RIPOR3: variants seen among roughly 807,000 people sequenced by gnomAD.
The protein encoded by RIPOR3 is RIPOR family member 3.
RIPOR3 carries 95 observed loss-of-function variants against 114.3 expected under a neutral mutation model. That is an observed-to-expected ratio of 0.83 (90% CI 0.70 to 0.99). RIPOR3 has a LOEUF of 0.99. RIPOR3 is among the 50% of genes least tolerant of loss of function. The pLI, the probability that RIPOR3 is intolerant of heterozygous loss-of-function variation, is 0.00. For missense variants in RIPOR3, 1,252 were observed against 1,266.9 expected, an observed-to-expected ratio of 0.99 and a Z score of 0.18; for synonymous variants, 575 against 543.8, an observed-to-expected ratio of 1.06 and a Z score of -0.80.
intron 20 of RIPOR3, among the ~76,000 whole-genome samples, chr20:50,589,323 T>C (rs2083035704): frequency 6.6e-6 from 1 of 151,378 alleles, no homozygotes; most frequent in African/African-American, 2.4e-5. Context: ...TTTTTTTTTT[T>C]TTAAGATGGA....
intron 4 of RIPOR3, among the ~76,000 whole-genome samples, chr20:50,614,972 G>A (rs1225620400): frequency 4.6e-5 from 7 of 152,052 alleles, no homozygotes; most frequent in African/African-American, 1.7e-4. Flanking sequence ...CAGGACAATC[G>A]CTTGAATCTG....
chr20:50,595,271 ACT>A (rs1295517920), intron 16 of RIPOR3, 96 bp downstream of exon 16: 3 of 1,488,610 alleles, frequency 2.0e-6, no homozygotes, highest in Admixed American at 1.8e-5. Flanking sequence ...GCCCCGATTA[ACT>A]CTGGCTATTA....
intron 1 of RIPOR3, among the ~76,000 whole-genome samples, chr20:50,671,785 G>GGGATGGAT (rs538319586): frequency 5.3e-5 from 8 of 151,890 alleles, no homozygotes; most frequent in East Asian, 1.9e-4. Flanking sequence ...GGTGGGCGAA[G>GGGATGGAT]GGATGGATGG....
chr20:50,595,914 C>A (rs1000895555), intron 15 of RIPOR3, among the ~76,000 whole-genome samples: 9 of 152,290 alleles, frequency 5.9e-5, no homozygotes, highest in Non-Finnish European at 4.4e-5. Flanking sequence ...TGAGAGTCAC[C>A]ACCAAAGCCT....
intron 1 of RIPOR3, among the ~76,000 whole-genome samples, chr20:50,643,091 T>C (rs1600665402): frequency 6.7e-6 from 1 of 148,796 alleles, no homozygotes; most frequent in Admixed American, 6.7e-5. Flanking sequence ...CCATCAGGGC[T>C]GGATGCAGTG....
At chr20:50,644,019 C>A (rs1294046631) in intron 1 of RIPOR3, among the ~76,000 whole-genome samples, 1 of 151,758 alleles carries the variant, frequency 6.6e-6, no homozygotes, top group Non-Finnish European at 1.5e-5. Context: ...AGCTGGGAGG[C>A]TAAGGCAGGA....
At chr20:50,647,061 C>T (rs1600675447) in intron 1 of RIPOR3, among the ~76,000 whole-genome samples, 1 of 152,206 alleles carries the variant, frequency 6.6e-6, no homozygotes, top group African/African-American at 2.4e-5. Flanking sequence ...GTGGCTCACA[C>T]CTGTAATCCG....
intron 2 of RIPOR3, among the ~76,000 whole-genome samples, chr20:50,626,089 G>A (rs986722897): frequency 7.9e-5 from 12 of 152,230 alleles, no homozygotes; most frequent in Non-Finnish European, 1.0e-4. Flanking sequence ...GCTGCGCTTC[G>A]GCCTGCTCGG....
intron 14 of RIPOR3, among the ~76,000 whole-genome samples, chr20:50,596,530 C>T (rs1476433269): frequency 6.6e-6 from 1 of 152,196 alleles, no homozygotes; most frequent in African/African-American, 2.4e-5. Flanking sequence ...TCCAACTCAT[C>T]CCAGCTCTGT....
chr20:50,647,299 G>A (rs957848715), intron 1 of RIPOR3, among the ~76,000 whole-genome samples: 5 of 151,934 alleles, frequency 3.3e-5, no homozygotes, highest in African/African-American at 9.7e-5. Context: ...CAGCCTAGGC[G>A]ACAAGAGCGA....
intron 1 of RIPOR3, among the ~76,000 whole-genome samples, chr20:50,643,298 G>GT (rs1435922141): frequency 1.5e-5 from 2 of 132,378 alleles, no homozygotes; most frequent in Non-Finnish European, 3.1e-5. Context: ...ATTTTTGTGT[G>GT]TGTTTTTTTT....
chr20:50,592,962 A>G (rs1254416077), intron 18 of RIPOR3, 73 bp downstream of exon 18: 4 of 1,557,528 alleles, frequency 2.6e-6, no homozygotes, highest in African/African-American at 1.4e-5. Flanking sequence ...TCTGAATTAT[A>G]ACCTGAGAAA....
intron 1 of RIPOR3, chr20:50,653,965 C>T (rs1186267370): frequency 6.6e-6 from 1 of 152,084 alleles, no homozygotes; most frequent in Non-Finnish European, 1.5e-5. Context: ...TCAATATACC[C>T]TCTCATGAGA....
intron 1 of RIPOR3, among the ~76,000 whole-genome samples, chr20:50,647,663 T>C (rs1199740254): frequency 6.6e-6 from 1 of 151,402 alleles, no homozygotes; most frequent in Non-Finnish European, 1.5e-5. Flanking sequence ...TTTGTATTTT[T>C]AGTAGAGACA....
At chr20:50,598,929 G>C (rs985590944) in intron 13 of RIPOR3, among the ~76,000 whole-genome samples, 1 of 149,224 alleles carries the variant, frequency 6.7e-6, no homozygotes, top group African/African-American at 2.6e-5. Flanking sequence ...AAAGGAGGGG[G>C]TTATGTTCTA....
At chr20:50,686,048 C>T (rs1160470482) in intron 1 of RIPOR3, among the ~76,000 whole-genome samples, 3 of 151,880 alleles carry the variant, frequency 2.0e-5, no homozygotes, top group Non-Finnish European at 4.4e-5. Context: ...AAAGCATAGA[C>T]GCCTGGCTCT....
Position 50,586,890 on chromosome 20 carries a change from C to A in RIPOR3, c.*342G>T. ...TGCCTTGGAGCCTTTTATTTAGGGC[C>A]TCAACTTGCCTGGCCTTGGCCCTTT... On this transcript the variant is annotated 3_prime_UTR_variant, in exon 22 of 22. Coordinates refer to ENST00000327979, the MANE Select transcript of RIPOR3 (RefSeq NM_001290268.2). The A allele has an allele frequency of 4.1e-6, 1 of 242,610 alleles. No homozygotes were observed. Among genetic ancestry groups the A allele is most frequent in the Non-Finnish European group, 8.1e-6 (1 of 123,470 alleles). 15.0% of individuals were successfully genotyped at this position (242,610 alleles called of 1,614,324 possible). A position where few individuals can be genotyped will look rare whatever the true frequency, so the allele number is the denominator to read the frequency against.
At position 50,602,643 on chromosome 20, in the gene RIPOR3, G is replaced by C. The variant is rs751047834; in HGVS notation, c.1088C>G (p.Ser363Cys). ...TPSFRERYYL[S>C]VLQQPTQQAL... ...CTGCTGTGTTGGCTGCTGTAGGACA[G>C]ACTGGAGAGGGGACACGGGAGCGGC... Residue 363 changes from serine (S) to cysteine (C), a missense_variant and splice_region_variant, in exon 13 of 22, where the codon TCT (serine) becomes TGT (cysteine). Physicochemically the swap from Ser to Cys is moderately radical, Grantham distance 112. Coordinates refer to ENST00000327979, the MANE Select transcript of RIPOR3 (RefSeq NM_001290268.2). This position sits in a 1 kb window ranked among gnomAD's most constrained non-coding sequence, Gnocchi z 4.3. 1 of 1,475,004 alleles carries C rather than the reference G, an allele frequency of 6.8e-7. No individual in the cohort carries two copies. Among genetic ancestry groups the C allele is most frequent in the Admixed American group, 2.4e-5 (1 of 41,584 alleles). 91.4% of individuals were successfully genotyped at this position (1,475,004 alleles called of 1,614,324 possible). A position where few individuals can be genotyped will look rare whatever the true frequency, so the allele number is the denominator to read the frequency against.
At chr20:50,603,126 G>A (rs1257700980) in intron 12 of RIPOR3, among the ~76,000 whole-genome samples, 1 of 152,246 alleles carries the variant, frequency 6.6e-6, no homozygotes, top group African/African-American at 2.4e-5. Context: ...TGCCCCTGGG[G>A]CTGGCTGTGC....
Sources: gnomAD v4.1 joint callset for allele counts (sites outside exome capture counted in the v4.1 genomes callset) on GRCh38, gnomAD v4.1.1 for gene constraint, Gnocchi (gnomAD v3.1) non-coding constraint, MANE v1.5 for transcripts, NCBI Gene and HGNC (gene_info 2026-07-23, HGNC 2026-07-21) for gene names.